DNA2: variants seen among roughly 807,000 people sequenced by gnomAD.
DNA2 encodes the protein DNA replication ATP-dependent helicase/nuclease DNA2.
DNA2 carries 101 observed loss-of-function variants against 119.1 expected under a neutral mutation model. That is an observed-to-expected ratio of 0.85 (90% confidence interval 0.72 to 1.00). The LOEUF (loss-of-function observed/expected upper bound fraction) is 1.00. Ranked by LOEUF, DNA2 falls within the 50% of genes least tolerant of loss-of-function variation. DNA2 has a pLI of 0.00. For synonymous variants in DNA2, 366 were observed against 424.4 expected, an observed-to-expected ratio of 0.86 and a Z score of 1.69; for missense variants, 1,121 against 1,255.5, an observed-to-expected ratio of 0.89 and a Z score of 1.62.
intron 9 of DNA2, among the ~76,000 whole-genome samples, chr10:68,437,956 C>T (rs1564885022): frequency 2.0e-5 from 3 of 152,130 alleles, no homozygotes; most frequent in Admixed American, 6.6e-5. Flanking sequence ...AAGTGACCCA[C>T]TGGCCTCAGC....
chr10:68,460,909 A>T (rs926140146), intron 4 of DNA2, among the ~76,000 whole-genome samples: 68 of 75,292 alleles, frequency 9.0e-4, no homozygotes, highest in Non-Finnish European at 5.9e-4. Flanking sequence ...GACCCTGTTT[A>T]AAAAAAAAAA....
chr10:68,432,782 G>A (rs2051839702), intron 10 of DNA2, among the ~76,000 whole-genome samples: 1 of 152,068 alleles, frequency 6.6e-6, no homozygotes, highest in Non-Finnish European at 1.5e-5. Flanking sequence ...CCTTGCAGTC[G>A]AACACGGGTT....
rs1322581204 is a variant in DNA2, at chr10:68,414,606, T to A, written c.*433A>T. 6.5e-6 allele frequency: 1 copy of A among 153,344 alleles called. No homozygotes were observed. The highest frequency in any genetic ancestry group is 1.5e-5 in the Non-Finnish European group (1 of 68,924). 9.5% of individuals were successfully genotyped at this position (153,344 alleles called of 1,614,324 possible). On this transcript the variant is annotated 3_prime_UTR_variant, in exon 21 of 21. Transcript: ENST00000358410. ...AAAACACATCTGATAGCAGAAAAAATCCTAGCAAAATGGGCTTTGGATTAG... is the reference window on the plus strand; with the variant it reads ...AAAACACATCTGATAGCAGAAAAAAACCTAGCAAAATGGGCTTTGGATTAG...
At chr10:68,433,535 CT>C (rs1022739715) in intron 10 of DNA2, among the ~76,000 whole-genome samples, 1 of 152,068 alleles carries the variant, frequency 6.6e-6, no homozygotes, top group Non-Finnish European at 1.5e-5. Context: ...AAAATCTAAA[CT>C]TTTTTTCTTT....
rs370696008 is a variant in DNA2 at position 68,432,214 on chromosome 10, A to G, written c.1865T>C (p.Ile622Thr). ...PHDAKDTVACILKGLNKPQRQ... is the reference protein window; with the variant it reads ...PHDAKDTVACTLKGLNKPQRQ... ...TGGTGATTTTAGCATACCCTTTAGA[A>G]TGCAGGCAACTGTATCCTTTGCATC... Residue 622 changes from isoleucine to threonine, a missense_variant, in exon 12 of 21, where the codon ATT becomes ACT. Coordinates refer to ENST00000358410, the MANE Select transcript of DNA2 (RefSeq NM_001080449.3). 1.9e-5 allele frequency: 30 copies of G among 1,577,790 alleles called. No individual in the cohort carries two copies. In the African/African-American group the frequency reaches 4.0e-4, roughly 21 times the overall value.
intron 16 of DNA2, 32 bp from the exon 17 acceptor site, chr10:68,422,461 T>C (rs1324157128): frequency 6.2e-7 from 1 of 1,613,022 alleles, no homozygotes; most frequent in Admixed American, 1.7e-5. Flanking sequence ...ACTTTAGTTT[T>C]GGTAGATGGA....
rs185435381 is a variant in DNA2 at position 68,450,108 on chromosome 10, C to T, written c.859G>A (p.Gly287Arg). Residue 287 changes from glycine (G) to arginine (R), a missense_variant, in exon 6 of 21, where the codon GGG (glycine) becomes AGG (arginine). Transcript: ENST00000358410. ...DVTVGVKIHRGYKTKYKIMPL... is the reference protein window; with the variant it reads ...DVTVGVKIHRRYKTKYKIMPL... Reference sequence around the variant, plus strand: ...ATTATCTTGTATTTTGTTTTATACCCTCGATGTATTTTCACACCAACTGTA... The same window carrying T: ...ATTATCTTGTATTTTGTTTTATACCTTCGATGTATTTTCACACCAACTGTA... 6.2e-7 allele frequency: 1 copy of T among 1,604,096 alleles called. No homozygotes were observed. Among genetic ancestry groups the T allele is most frequent in the African/African-American group, 1.3e-5 (1 of 74,876 alleles).
At chr10:68,420,452 G>A (rs974195909) in intron 17 of DNA2, among the ~76,000 whole-genome samples, 1 of 152,190 alleles carries the variant, frequency 6.6e-6, no homozygotes, top group African/African-American at 2.4e-5. Flanking sequence ...AAGGAGAATT[G>A]CTTGAATCTG....
chr10:68,423,870 A>G (rs1306659622), intron 14 of DNA2, among the ~76,000 whole-genome samples: 1 of 152,234 alleles, frequency 6.6e-6, no homozygotes, highest in East Asian at 1.9e-4. Flanking sequence ...CCTGGCAGGA[A>G]TGAGGTGGTA....
chr10:68,457,743 A>G (rs1590071339), intron 5 of DNA2, among the ~76,000 whole-genome samples: 2 of 152,114 alleles, frequency 1.3e-5, no homozygotes. Context: ...TTGAGAAAAA[A>G]AAAAAAAAAA....
intron 6 of DNA2, among the ~76,000 whole-genome samples, chr10:68,447,516 CAAAA>C (rs1165549043): frequency 5.5e-5 from 3 of 54,750 alleles, no homozygotes; most frequent in Non-Finnish European, 7.2e-5. Context: ...GACTTCACCT[CAAAA>C]AAAAAAAAAA....
chr10:68,455,716 G>C (rs1371299654), intron 5 of DNA2, among the ~76,000 whole-genome samples: 1 of 151,504 alleles, frequency 6.6e-6, no homozygotes, highest in Admixed American at 6.6e-5. Context: ...AGCTACTCAG[G>C]GGGCTGTGTC....
At position 68,468,222 on chromosome 10, in the gene DNA2, A is replaced by G. The variant is rs1457211631; in HGVS notation, c.342T>C (p.Phe114=). 6.2e-7 allele frequency: 1 copy of G among 1,612,548 alleles called. No individual in the cohort carries two copies. Among genetic ancestry groups the G allele is most frequent in the East Asian group, 2.2e-5 (1 of 44,856 alleles). ...TGTCTGGATACAGAATCAAATATCC[A>G]AAATCTTTATCTATTATCCAAGTGT... is the stretch of plus-strand genomic sequence containing the variant. ...TSDTWIIDKD[F]GYLILYPDML... The change falls in exon 3 of 21, where the codon TTT becomes TTC. Residue 114 remains phenylalanine, a synonymous_variant. Coordinates refer to ENST00000358410, the MANE Select transcript of DNA2 (RefSeq NM_001080449.3).
chr10:68,465,912 G>A, intron 3 of DNA2, 100 bp from the exon 4 acceptor site: 2 of 1,103,010 alleles, frequency 1.8e-6, no homozygotes, highest in Non-Finnish European at 2.4e-6. Context: ...AAAATGCACT[G>A]GTAAGACAAA....
At chr10:68,446,171 A>AC (rs367852096) in intron 7 of DNA2, 125 bp downstream of exon 7, 5 of 595,442 alleles carry the variant, frequency 8.4e-6, no homozygotes, top group Non-Finnish European at 1.5e-5. Flanking sequence ...AACAAAAAAA[A>AC]CCCACAGCTA....
At chr10:68,424,936 G>T in intron 14 of DNA2, 1 of 680,648 alleles carries the variant, frequency 1.5e-6, no homozygotes, top group South Asian at 1.5e-5. Context: ...GCCAAGTCTC[G>T]ACAAGTCAGA....
rs376062797 is a variant in DNA2 at position 68,465,220 on chromosome 10, A to G, written c.587+447T>C. On this transcript the variant is annotated intron_variant, in intron 4 of 20. Transcript: ENST00000358410. ...TTTTTAGTAGAGACGGGGTTTCACC[A>G]TGTTAGCCAGGATGGTCTCGATTTC... Among the ~76,000 whole-genome samples, 98 of 134,628 alleles carry G rather than the reference A, an allele frequency of 7.3e-4. 1 individual carries two copies. In the East Asian group the frequency reaches 0.021, roughly 28 times the overall value. 88.3% of individuals were successfully genotyped at this position (134,628 alleles called of 152,430 possible).
At chr10:68,436,015 G>A (rs4466718) in intron 10 of DNA2, among the ~76,000 whole-genome samples, 1 of 152,130 alleles carries the variant, frequency 6.6e-6, no homozygotes, top group Admixed American at 6.6e-5. Context: ...CAAAACTTTA[G>A]CAGTTTGGTA....
At chr10:68,463,094 T>C (rs2133440292) in intron 4 of DNA2, among the ~76,000 whole-genome samples, 1 of 151,214 alleles carries the variant, frequency 6.6e-6, no homozygotes, top group African/African-American at 2.4e-5. Flanking sequence ...ATCACGGTGC[T>C]GTACTCCAGC....
Sources: allele counts gnomAD v4.1 joint callset (sites outside exome capture counted in the v4.1 genomes callset), GRCh38; gene constraint gnomAD v4.1.1; transcripts MANE v1.5; gene names NCBI Gene and HGNC (gene_info 2026-07-23, HGNC 2026-07-21).